The following USP35 variants were observed in gnomAD, a reference collection of about 807,000 sequenced individuals.
The protein encoded by USP35 is ubiquitin specific peptidase 35.
A neutral mutation model predicts 83.8 loss-of-function variants in USP35; 69 were observed. The observed-to-expected ratio is 0.82, with a 90% CI of 0.68 to 1.01. The LOEUF (loss-of-function observed/expected upper bound fraction) is 1.01, where lower values mean the gene tolerates loss of function less well. Among genes scored for constraint, USP35 ranks in the 50% least tolerant of loss-of-function variants. USP35 has a pLI of 0.00. For synonymous variants in USP35, 714 were observed against 589.5 expected, an observed-to-expected ratio of 1.21 and a Z score of -3.06; for missense variants, 1,503 against 1,362.5, an observed-to-expected ratio of 1.10 and a Z score of -1.62.
At chr11:78,224,585 T>C in the USP35 span, among the ~76,000 whole-genome samples, 24 of 152,338 alleles carry the variant, frequency 1.6e-4, no homozygotes, top group African/African-American at 5.8e-4. Flanking sequence ...TCTGCCTTGG[T>C]TACCTGATTT....
chr11:78,235,484 C>A, the USP35 span, among the ~76,000 whole-genome samples: 2 of 152,100 alleles, frequency 1.3e-5, no homozygotes, highest in Non-Finnish European at 2.9e-5. Flanking sequence ...CGTCAGGTGG[C>A]AAATTTTCCG....
chr11:78,228,882 A>AT, the USP35 span, among the ~76,000 whole-genome samples: 1 of 152,054 alleles, frequency 6.6e-6, no homozygotes. Context: ...TGTTGTATGC[A>AT]TTTTTTTGGT....
At chr11:78,220,711 G>A in the USP35 span, among the ~76,000 whole-genome samples, 1 of 152,174 alleles carries the variant, frequency 6.6e-6, no homozygotes, top group Non-Finnish European at 1.5e-5. Context: ...CTGCACAGCT[G>A]TTGAGTGATG....
the USP35 span, among the ~76,000 whole-genome samples, chr11:78,233,158 GTCT>G: frequency 1.2e-3 from 177 of 150,754 alleles, 1 homozygote; most frequent in Non-Finnish European, 2.9e-5. Flanking sequence ...TCCCACCTCA[GTCT>G]TCTGAGTAGC....
At chr11:78,211,320 A>G (rs1392464401) in intron 10 of USP35, among the ~76,000 whole-genome samples, 1 of 152,092 alleles carries the variant, frequency 6.6e-6, no homozygotes, top group Non-Finnish European at 1.5e-5. Context: ...TCTGTGGTGT[A>G]TATGTGCCAC....
chr11:78,226,588 C>T, the USP35 span: 1 of 1,256,578 alleles, frequency 8.0e-7, no homozygotes, highest in Admixed American at 2.0e-5. Context: ...CGAGGTGTTT[C>T]TGCCTGACTT....
intron 7 of USP35, 38 bp downstream of exon 7, chr11:78,206,073 T>C (rs778903018): frequency 1.9e-4 from 298 of 1,591,132 alleles, no homozygotes; most frequent in Non-Finnish European, 2.5e-4. Context: ...TGCCCTTGCT[T>C]CTCTCCTCTG....
chr11:78,208,801 C>T, intron 8 of USP35, 56 bp from the exon 9 acceptor site: 1 of 1,589,106 alleles, frequency 6.3e-7, no homozygotes, highest in Non-Finnish European at 8.6e-7. Flanking sequence ...CTGTGCAGAG[C>T]TGGCTGGTGA....
intron 1 of USP35, among the ~76,000 whole-genome samples, chr11:78,191,048 T>C (rs886365312): frequency 6.6e-6 from 1 of 152,042 alleles, no homozygotes; most frequent in African/African-American, 2.4e-5. Context: ...GTGCTTACCG[T>C]GTAATAAGCT....
At chr11:78,207,181 T>G (rs1863554110) in intron 7 of USP35, 1 of 187,530 alleles carries the variant, frequency 5.3e-6, no homozygotes, top group African/African-American at 2.3e-5. Context: ...GATATTGGCA[T>G]GGATCCTGTG....
intron 10 of USP35, 67 bp from the exon 11 acceptor site, chr11:78,213,579 G>A (rs1040062793): frequency 1.4e-6 from 2 of 1,428,306 alleles, no homozygotes; most frequent in Non-Finnish European, 1.8e-6. Context: ...GTGTTGTGCT[G>A]GGTAGACTCA....
At chr11:78,227,126 C>T in the USP35 span, 2 of 993,936 alleles carry the variant, frequency 2.0e-6, no homozygotes. Flanking sequence ...AAAGCACTTT[C>T]TCTTTCTATA....
chr11:78,197,701 G>C (rs565141522), intron 2 of USP35, among the ~76,000 whole-genome samples: 1 of 143,282 alleles, frequency 7.0e-6, no homozygotes, highest in South Asian at 2.1e-4. Context: ...ACCCACTCTT[G>C]ATCAGTGCTT....
intron 1 of USP35, among the ~76,000 whole-genome samples, chr11:78,192,085 C>T (rs1038469422): frequency 2.6e-5 from 4 of 152,172 alleles, no homozygotes; most frequent in South Asian, 2.1e-4. Context: ...CTTGTCTCAA[C>T]CCTGTGAATG....
rs370959438 is a variant in USP35 at position 78,213,705 on chromosome 11, G to T, written c.2949G>T (p.Pro983=). The T allele has an allele frequency of 6.5e-7, 1 of 1,531,904 alleles. No homozygotes were observed. Among genetic ancestry groups the T allele is most frequent in the Non-Finnish European group, 8.7e-7 (1 of 1,149,694 alleles). The allele number at this position is 1,531,904 out of a possible 1,614,324, so 94.9% of individuals were successfully genotyped here. A position where few individuals can be genotyped will look rare whatever the true frequency, so the allele number is the denominator to read the frequency against. ...ACATCTCTGCACTCCCCACATCTCC[G>T]CACTGGGGGAGGGGCTTTGATGAAG... ...AAYISALPTS[P]HWGRGFDEDK... is the part of the protein sequence containing the mutation. The change falls in exon 11 of 11, where the codon CCG becomes CCT. Residue 983 remains proline, a synonymous_variant. Coordinates refer to ENST00000529308, the MANE Select transcript of USP35 (RefSeq NM_020798.4).
downstream of USP35, chr11:78,215,591 G>GACAA (rs552681256): frequency 5.2e-5 from 8 of 152,388 alleles, no homozygotes; most frequent in African/African-American, 1.9e-4. Flanking sequence ...TTCTCTTCCT[G>GACAA]ACAAACAGTG....
Position 78,214,265 on chromosome 11 carries a change from G to A in USP35, c.*452G>A, listed in dbSNP as rs919667792. ...GGGGGGGGCAGTGTCTCCTCTGGCTGTCCTGTTTGTTTGTTTCTCATATGG... is the reference window on the plus strand; with the variant it reads ...GGGGGGGGCAGTGTCTCCTCTGGCTATCCTGTTTGTTTGTTTCTCATATGG... On this transcript the variant is annotated 3_prime_UTR_variant, in exon 11 of 11. Coordinates refer to ENST00000529308, the MANE Select transcript of USP35 (RefSeq NM_020798.4). 1.5e-5 allele frequency: 2 copies of A among 131,964 alleles called. No individual in the cohort carries two copies. Among genetic ancestry groups the A allele is most frequent in the African/African-American group, 6.3e-5 (2 of 31,728 alleles). 8.2% of individuals were successfully genotyped at this position (131,964 alleles called of 1,614,324 possible).
intron 3 of USP35, 54 bp downstream of exon 3, chr11:78,198,122 T>C (rs1863212490): frequency 6.2e-7 from 1 of 1,608,642 alleles, no homozygotes; most frequent in African/African-American, 1.3e-5. Context: ...CCTCTCTTCC[T>C]CTCAGAAGCC....
intron 6 of USP35, among the ~76,000 whole-genome samples, chr11:78,205,086 C>G (rs745811808): frequency 1.2e-4 from 18 of 152,180 alleles, no homozygotes; most frequent in Non-Finnish European, 2.9e-5. Flanking sequence ...TTGGAAGATA[C>G]CTCTAGCATC....
Sources: allele counts gnomAD v4.1 joint callset (sites outside exome capture counted in the v4.1 genomes callset), GRCh38; gene constraint gnomAD v4.1.1; transcripts MANE v1.5; gene names NCBI Gene and HGNC (gene_info 2026-07-23, HGNC 2026-07-21).